Variants in PAK2 observed in about 807,000 individuals in gnomAD.
PAK2 encodes the protein p21 (RAC1) activated kinase 2, also known as serine/threonine-protein kinase PAK 2.
PAK2 carries 21 observed loss-of-function variants against 65.9 expected under a neutral mutation model. The ratio of observed to expected loss-of-function variants is 0.32; its 90% CI spans 0.23 to 0.46. The LOEUF is 0.46. Among genes scored for constraint, PAK2 ranks in the 20% least tolerant of loss-of-function variants. PAK2 has a pLI of 1.00. For synonymous variants in PAK2, 204 were observed against 219.7 expected, an observed-to-expected ratio of 0.93 and a Z score of 0.63; for missense variants, 324 against 642.6, an observed-to-expected ratio of 0.50 and a Z score of 5.36.
At chr3:196,747,804 A>C (rs1009614475) in intron 1 of PAK2, among the ~76,000 whole-genome samples, 11 of 152,154 alleles carry the variant, frequency 7.2e-5, no homozygotes, top group African/African-American at 2.7e-4. Context: ...ATTCTTATTA[A>C]TGTAAAAATC....
At chr3:196,821,436 T>A (rs1198633257) in intron 13 of PAK2, among the ~76,000 whole-genome samples, 2 of 152,122 alleles carry the variant, frequency 1.3e-5, no homozygotes. Flanking sequence ...GTGCGGTGGC[T>A]TACACCTGTA....
At chr3:196,746,758 C>CATT in intron 1 of PAK2, among the ~76,000 whole-genome samples, 1 of 150,316 alleles carries the variant, frequency 6.7e-6, no homozygotes, top group Non-Finnish European at 1.5e-5. Context: ...TGCAGTGAGC[C>CATT]GAGATCGTGC....
intron 1 of PAK2, among the ~76,000 whole-genome samples, chr3:196,782,298 T>C (rs1022662986): frequency 1.4e-5 from 2 of 140,710 alleles, no homozygotes; most frequent in Non-Finnish European, 3.1e-5. Flanking sequence ...TCTTTGGAAT[T>C]AAAAAAAAAA....
chr3:196,748,019 T>A (rs1369282478), intron 1 of PAK2, among the ~76,000 whole-genome samples: 1 of 152,232 alleles, frequency 6.6e-6, no homozygotes, highest in Non-Finnish European at 1.5e-5. Context: ...AGCACTTCCA[T>A]CTGAAGTTTC....
intron 1 of PAK2, among the ~76,000 whole-genome samples, chr3:196,748,785 G>T (rs766343440): frequency 1.3e-5 from 2 of 152,102 alleles, no homozygotes; most frequent in Non-Finnish European, 2.9e-5. Flanking sequence ...TTTTATTGTG[G>T]TGTAAAATAC....
At chr3:196,745,798 A>G (rs900217123) in intron 1 of PAK2, among the ~76,000 whole-genome samples, 2 of 149,650 alleles carry the variant, frequency 1.3e-5, no homozygotes, top group Admixed American at 6.7e-5. Context: ...TGGGCAACAG[A>G]ACGAGACTCC....
At chr3:196,792,016 T>A (rs747614046) in intron 2 of PAK2, among the ~76,000 whole-genome samples, 6 of 152,122 alleles carry the variant, frequency 3.9e-5, no homozygotes, top group Non-Finnish European at 5.9e-5. Context: ...CGAGTCTGGC[T>A]TAGCTGCTCA....
intron 1 of PAK2, among the ~76,000 whole-genome samples, chr3:196,749,300 T>G (rs1713491829): frequency 6.6e-6 from 1 of 152,042 alleles, no homozygotes; most frequent in Admixed American, 6.6e-5. Flanking sequence ...AATTCTGTGT[T>G]TCATTTTTTG....
chr3:196,799,545 T>C (rs184991635), intron 2 of PAK2, among the ~76,000 whole-genome samples: 1 of 152,338 alleles, frequency 6.6e-6, no homozygotes. Flanking sequence ...TTTCTTGCAA[T>C]GTGATGCCTT....
chr3:196,742,035 A>G (rs1024778913), intron 1 of PAK2, among the ~76,000 whole-genome samples: 6 of 152,002 alleles, frequency 3.9e-5, no homozygotes, highest in African/African-American at 7.2e-5. Flanking sequence ...TATACAGGCG[A>G]TAGGGCTCTC....
At chr3:196,811,483 A>G in intron 8 of PAK2, among the ~76,000 whole-genome samples, 1 of 141,614 alleles carries the variant, frequency 7.1e-6, no homozygotes, top group Non-Finnish European at 1.5e-5. Flanking sequence ...CCGGGTTCAA[A>G]CGATTCTTCT....
intron 1 of PAK2, among the ~76,000 whole-genome samples, chr3:196,780,569 CAT>C (rs1448725981): frequency 6.6e-5 from 10 of 152,302 alleles, no homozygotes; most frequent in South Asian, 2.1e-4. Flanking sequence ...CCTTCCATAA[CAT>C]GTGGGAATTC....
At chr3:196,748,586 G>GCCT (rs1400599492) in intron 1 of PAK2, among the ~76,000 whole-genome samples, 1 of 152,162 alleles carries the variant, frequency 6.6e-6, no homozygotes, top group Non-Finnish European at 1.5e-5. Context: ...ATAGCGTGTA[G>GCCT]CCTTTTCAAC....
chr3:196,808,792 C>T (rs778404867), intron 7 of PAK2, among the ~76,000 whole-genome samples: 8 of 151,810 alleles, frequency 5.3e-5, no homozygotes, highest in African/African-American at 7.3e-5. Context: ...ACCTGGGAGG[C>T]GGAGATTGCA....
At chr3:196,746,251 T>C (rs1236877943) in intron 1 of PAK2, among the ~76,000 whole-genome samples, 1 of 152,196 alleles carries the variant, frequency 6.6e-6, no homozygotes, top group Non-Finnish European at 1.5e-5. Flanking sequence ...TGGCAGCTGT[T>C]GGATTTAGAG....
intron 13 of PAK2, among the ~76,000 whole-genome samples, chr3:196,823,811 C>CAA (rs1004879720): frequency 0.018 from 1,348 of 76,944 alleles, 15 homozygotes; most frequent in African/African-American, 0.057. Flanking sequence ...GATTCTGTCG[C>CAA]AAAAAAAAAA....
intron 13 of PAK2, among the ~76,000 whole-genome samples, chr3:196,826,780 T>C (rs1711891592): frequency 6.6e-6 from 1 of 151,618 alleles, no homozygotes; most frequent in Admixed American, 6.6e-5. Context: ...GATTAGCAGG[T>C]CATGGTGGTA....
chr3:196,819,641 A>G (rs1050413866), intron 12 of PAK2, among the ~76,000 whole-genome samples: 2 of 152,154 alleles, frequency 1.3e-5, no homozygotes, highest in South Asian at 4.1e-4. Flanking sequence ...GTAGTCACAT[A>G]TGAAATGGAA....
At chr3:196,772,560 C>T (rs1300068733) in intron 1 of PAK2, among the ~76,000 whole-genome samples, 1 of 152,176 alleles carries the variant, frequency 6.6e-6, no homozygotes, top group Non-Finnish European at 1.5e-5. Flanking sequence ...TCTTTTCTCG[C>T]TTTCCCTCTT....
Sources: gnomAD v4.1 joint callset for allele counts (sites outside exome capture counted in the v4.1 genomes callset) on GRCh38, gnomAD v4.1.1 for gene constraint, MANE v1.5 for transcripts, NCBI Gene and HGNC (gene_info 2026-07-23, HGNC 2026-07-21) for gene names.